The following PALS1 variants were observed in gnomAD, a reference collection of about 807,000 sequenced individuals.
The protein encoded by PALS1 is protein associated with LIN7 1, MAGUK p55 family member, also known as protein PALS1.
In PALS1, 31 loss-of-function variants were observed where a neutral mutation model predicts 78.9. That is an observed-to-expected ratio of 0.39 (90% CI 0.30 to 0.53). The LOEUF is 0.53. Among genes scored for constraint, PALS1 ranks in the 20% least tolerant of loss-of-function variants. The pLI, the probability that PALS1 is intolerant of heterozygous loss-of-function variation, is 0.67. For missense variants in PALS1, 704 were observed against 826.5 expected (o/e 0.85, Z 1.82); for synonymous variants, 276 against 270.9 (o/e 1.02, Z -0.18).
rs530365327 is a variant in PALS1 at position 67,324,568 on chromosome 14, T to G, written c.1851+756T>G. On this transcript the variant is annotated intron_variant, in intron 14 of 14. Transcript: ENST00000261681. Reference sequence around the variant, plus strand: ...ACACTCCTTTCTTTTGATTGTTTTTTTTGTTGTTGTTGTTGTTTTGGTCGT... The same window carrying G: ...ACACTCCTTTCTTTTGATTGTTTTTGTTGTTGTTGTTGTTGTTTTGGTCGT... Among the ~76,000 whole-genome samples, 619 of 152,168 alleles carry G rather than the reference T, an allele frequency of 4.1e-3. 3 individuals carry two copies. The highest frequency in any genetic ancestry group is 5.2e-3 in the Non-Finnish European group (352 of 68,008).
In PALS1 at chr14:67,301,384, C is replaced by A. The variant is rs1017558023; in HGVS notation, c.577-5C>A. ...GGAAGAATAATCTTTATTTTTGTTT[C>A]TTAGGTACAAACTGTTTTGAAGCCA... On this transcript the variant is annotated splice_polypyrimidine_tract_variant and splice_region_variant and intron_variant, in intron 4 of 14. Coordinates refer to ENST00000261681, the MANE Select transcript of PALS1 (RefSeq NM_022474.4). 58 of 1,597,158 alleles carry A rather than the reference C, an allele frequency of 3.6e-5. No individual in the cohort carries two copies. The highest frequency in any genetic ancestry group is 5.4e-5 in the African/African-American group (4 of 74,598).
intron 11 of PALS1, among the ~76,000 whole-genome samples, chr14:67,319,757 T>TTCTCTGATAA (rs2085234187): frequency 2.6e-5 from 4 of 152,250 alleles, no homozygotes; most frequent in Admixed American, 2.6e-4. Context: ...AGGAAAGTAT[T>TTCTCTGATAA]CCAGCTTTCT....
At chr14:67,278,990 CT>C (rs1006118392) in intron 2 of PALS1, 27 bp from the exon 3 acceptor site, 24 of 551,366 alleles carry the variant, frequency 4.4e-5, no homozygotes, top group African/African-American at 1.5e-4. Flanking sequence ...AATTCTTACA[CT>C]TTTTTCCCCC....
chr14:67,285,389 C>T (rs1273974427), intron 3 of PALS1, among the ~76,000 whole-genome samples: 9 of 128,482 alleles, frequency 7.0e-5, no homozygotes, highest in African/African-American at 2.7e-4. Flanking sequence ...TTTTTTGAGA[C>T]GGAGTCTCGC....
chr14:67,284,969 T>G (rs1283850052), intron 3 of PALS1, among the ~76,000 whole-genome samples: 1 of 152,174 alleles, frequency 6.6e-6, no homozygotes. Context: ...CAGGCTGGTC[T>G]TGACCTCCTG....
chr14:67,253,435 T>C (rs536390066), intron 1 of PALS1, among the ~76,000 whole-genome samples: 289 of 152,354 alleles, frequency 1.9e-3, no homozygotes, highest in Non-Finnish European at 3.5e-3. Context: ...AGTTTACTTA[T>C]ATAGTGAGAT....
At chr14:67,284,111 G>A (rs932184597) in intron 3 of PALS1, among the ~76,000 whole-genome samples, 2 of 152,090 alleles carry the variant, frequency 1.3e-5, no homozygotes. Context: ...CACACTACAG[G>A]TTTGAATGAA....
In PALS1 at chr14:67,312,531, A is replaced by G; in HGVS notation, c.1046A>G (p.His349Arg). 1 of 1,577,358 alleles carries G rather than the reference A, an allele frequency of 6.3e-7. No homozygotes were observed. Among genetic ancestry groups the G allele is most frequent in the Non-Finnish European group, 8.6e-7 (1 of 1,160,662 alleles). ...KPPPAKETVI[H>R]VKAHFDYDPS... ...TTTGCCCTTTTTATCTTTTAGATCC[A>G]TGTAAAAGCTCATTTTGACTATGAC... The change falls in exon 9 of 15, where the codon CAT becomes CGT. Residue 349 changes from histidine to arginine, a missense_variant. Transcript: ENST00000261681.
chr14:67,301,345 C>A, intron 4 of PALS1, 44 bp from the exon 5 acceptor site: 1 of 1,390,640 alleles, frequency 7.2e-7, no homozygotes, highest in Non-Finnish European at 1.0e-6. Context: ...GCTACTGATA[C>A]TTCCTATAAT....
At chr14:67,277,294 C>G (rs1029192264) in intron 2 of PALS1, among the ~76,000 whole-genome samples, 11 of 152,218 alleles carry the variant, frequency 7.2e-5, no homozygotes, top group Non-Finnish European at 1.2e-4. Flanking sequence ...ACAGAAAAAT[C>G]TACCAAAAAT....
At chr14:67,313,768 A>G (rs2085129222) in intron 9 of PALS1, among the ~76,000 whole-genome samples, 1 of 152,056 alleles carries the variant, frequency 6.6e-6, no homozygotes, top group African/African-American at 2.4e-5. Flanking sequence ...ATCCATTAAC[A>G]CTTATGTATA....
At chr14:67,293,611 T>G (rs1252558539) in intron 4 of PALS1, among the ~76,000 whole-genome samples, 1 of 152,186 alleles carries the variant, frequency 6.6e-6, no homozygotes, top group East Asian at 1.9e-4. Flanking sequence ...AAAATTACTT[T>G]TCTTACGGAG....
intron 1 of PALS1, among the ~76,000 whole-genome samples, chr14:67,243,267 G>C (rs555513126): frequency 7.6e-5 from 11 of 145,472 alleles, no homozygotes; most frequent in Non-Finnish European, 1.5e-4. Context: ...GCTCACTGCA[G>C]TCTCCACCTC....
At chr14:67,304,133 A>G (rs530409582) in intron 8 of PALS1, 2 of 153,968 alleles carry the variant, frequency 1.3e-5, no homozygotes, top group Non-Finnish European at 2.9e-5. Context: ...TTTTATAGTT[A>G]TAGGTGGGTT....
At chr14:67,328,333 G>A (rs2085392393) in intron 14 of PALS1, among the ~76,000 whole-genome samples, 1 of 152,274 alleles carries the variant, frequency 6.6e-6, no homozygotes, top group South Asian at 2.1e-4. Flanking sequence ...GGGATTGTTT[G>A]ATTTTTTCTT....
intron 14 of PALS1, among the ~76,000 whole-genome samples, chr14:67,326,369 T>C (rs1304585566): frequency 6.6e-6 from 1 of 151,098 alleles, no homozygotes; most frequent in Non-Finnish European, 1.5e-5. Flanking sequence ...GTGCCACAGG[T>C]CCTAGCTTAT....
intron 1 of PALS1, among the ~76,000 whole-genome samples, chr14:67,261,291 A>G (rs1283683967): frequency 2.0e-5 from 3 of 152,190 alleles, no homozygotes; most frequent in African/African-American, 7.2e-5. Flanking sequence ...AGAAACTCAT[A>G]GAAAAGTTAA....
At chr14:67,266,366 C>G (rs984551491) in intron 1 of PALS1, among the ~76,000 whole-genome samples, 1 of 152,028 alleles carries the variant, frequency 6.6e-6, no homozygotes, top group African/African-American at 2.4e-5. Context: ...CACTCTGTTG[C>G]CCAGTCTGAA....
chr14:67,315,726 A>G (rs2085162267), intron 9 of PALS1, among the ~76,000 whole-genome samples: 1 of 152,092 alleles, frequency 6.6e-6, no homozygotes, highest in Admixed American at 6.5e-5. Context: ...GGAGTTTAAG[A>G]CCAGCCTGGC....
Sources: gnomAD v4.1 joint callset for allele counts (sites outside exome capture counted in the v4.1 genomes callset) on GRCh38, gnomAD v4.1.1 for gene constraint, MANE v1.5 for transcripts, NCBI Gene and HGNC (gene_info 2026-07-23, HGNC 2026-07-21) for gene names.